Variants in TGM3 observed in about 807,000 individuals in gnomAD.
TGM3 encodes the protein transglutaminase 3, also known as protein-glutamine gamma-glutamyltransferase E.
Under a neutral mutation model 73.8 loss-of-function variants are expected in TGM3, and 52 were observed. That is an observed-to-expected ratio of 0.70 (90% CI 0.56 to 0.89). The LOEUF (loss-of-function observed/expected upper bound fraction) is 0.89, where lower values mean the gene tolerates loss of function less well. Ranked by LOEUF, TGM3 falls within the 40% of genes least tolerant of loss-of-function variation. TGM3 has a pLI of 0.00. For missense variants in TGM3, 928 were observed against 909.9 expected, an observed-to-expected ratio of 1.02 and a Z score of -0.26; for synonymous variants, 372 against 354.9, an observed-to-expected ratio of 1.05 and a Z score of -0.54.
At chr20:2,306,510 T>C (rs2084177557) in intron 1 of TGM3, among the ~76,000 whole-genome samples, 1 of 147,604 alleles carries the variant, frequency 6.8e-6, no homozygotes, top group Non-Finnish European at 1.5e-5. Flanking sequence ...GGAATCTCGC[T>C]CTGTTACCCA....
chr20:2,319,600 T>C lies in TGM3; in HGVS notation c.983+2115T>C, dbSNP rs542252981. ...CACCTTTGGGACAAGTAGGAGCTGA[T>C]GGAGACATTCCAGGGTGGCTCTGTG... On this transcript the variant is annotated intron_variant, in intron 7 of 12. Transcript: ENST00000381458. Among the ~76,000 whole-genome samples, 8 of 152,342 alleles carry C rather than the reference T, an allele frequency of 5.3e-5. No homozygotes were observed. The East Asian group carries it at 1.5e-3, about 29-fold the overall frequency.
At position 2,328,411 on chromosome 20, in the gene TGM3, G is replaced by T. The variant is rs2084302531; in HGVS notation, c.1333+46G>T. On this transcript the variant is annotated intron_variant, in intron 9 of 12. Transcript: ENST00000381458. The surrounding 1 kb of genome is among the most constrained non-coding windows in gnomAD (Gnocchi z 5.2). ...GCAGTGCCGCGAGAGGTTCTATTGT[G>T]GGAGGATGGCTCTGAGGCTGGAGAG... The T allele has an allele frequency of 1.2e-6, 2 of 1,607,600 alleles. No homozygotes were observed. The highest frequency in any genetic ancestry group is 2.2e-5 in the East Asian group (1 of 44,774).
At chr20:2,340,243 C>G (rs146408106) in intron 12 of TGM3, among the ~76,000 whole-genome samples, 191 bp from the exon 13 acceptor site, 14 of 152,310 alleles carry the variant, frequency 9.2e-5, no homozygotes, top group East Asian at 3.9e-4. Context: ...GGGACCCCCC[C>G]CTCCTGCTTC....
intron 7 of TGM3, among the ~76,000 whole-genome samples, chr20:2,319,526 C>A (rs2084252295): frequency 1.3e-5 from 2 of 152,174 alleles, no homozygotes; most frequent in South Asian, 2.1e-4. Flanking sequence ...AATTAGAACC[C>A]AGGTCTCCTG....
At chr20:2,327,894 C>T (rs370252575) in intron 8 of TGM3, among the ~76,000 whole-genome samples, 10 of 152,238 alleles carry the variant, frequency 6.6e-5, no homozygotes, top group East Asian at 1.9e-4. Flanking sequence ...GCCCGGAATG[C>T]GGAATTGTGT....
chr20:2,319,580 T>C (rs1173222137), intron 7 of TGM3, among the ~76,000 whole-genome samples: 1 of 152,190 alleles, frequency 6.6e-6, no homozygotes, highest in Non-Finnish European at 1.5e-5. Context: ...AACATCACCT[T>C]TGGGACAAGT....
intron 7 of TGM3, among the ~76,000 whole-genome samples, chr20:2,317,933 A>G (rs1365723335): frequency 7.1e-6 from 1 of 140,974 alleles, no homozygotes; most frequent in African/African-American, 2.8e-5. Flanking sequence ...ATATATATAT[A>G]TATATATATC....
intron 5 of TGM3, among the ~76,000 whole-genome samples, chr20:2,313,773 C>T (rs756079016): frequency 1.2e-4 from 19 of 152,168 alleles, no homozygotes; most frequent in Admixed American, 4.6e-4. Flanking sequence ...TCACGCCTCT[C>T]ATCCCAGTGC....
chr20:2,311,490 C>T (rs539408645), intron 4 of TGM3, among the ~76,000 whole-genome samples: 4 of 152,266 alleles, frequency 2.6e-5, no homozygotes, highest in African/African-American at 9.6e-5. Context: ...TTTTTCATTC[C>T]ATGTAACAAT....
At chr20:2,313,660 C>T (rs552584384) in intron 5 of TGM3, among the ~76,000 whole-genome samples, 1 of 151,906 alleles carries the variant, frequency 6.6e-6, no homozygotes, top group Admixed American at 6.6e-5. Context: ...CACTCTCTCT[C>T]TCTCTCAGAC....
intron 5 of TGM3, among the ~76,000 whole-genome samples, chr20:2,314,479 C>T (rs943603306): frequency 6.6e-6 from 1 of 151,798 alleles, no homozygotes; most frequent in East Asian, 1.9e-4. Flanking sequence ...ATCACTTGAG[C>T]CCAGGAGTGT....
chr20:2,306,382 A>G (rs976648156), intron 1 of TGM3, among the ~76,000 whole-genome samples: 1 of 151,948 alleles, frequency 6.6e-6, no homozygotes. Flanking sequence ...CTCTGAAACC[A>G]CATGTTCCAT....
intron 1 of TGM3, among the ~76,000 whole-genome samples, chr20:2,306,894 C>T (rs555034157): frequency 5.3e-4 from 80 of 152,274 alleles, no homozygotes; most frequent in African/African-American, 1.9e-3. Context: ...GGCCATTTCC[C>T]TAGAGAGATC....
intron 1 of TGM3, among the ~76,000 whole-genome samples, chr20:2,306,173 G>A (rs909920089): frequency 6.6e-6 from 1 of 152,318 alleles, no homozygotes; most frequent in Admixed American, 6.5e-5. Context: ...GTGTGGGCCT[G>A]TTGGGAGAGG....
chr20:2,340,566 C>T lies in TGM3; in HGVS notation c.2067C>T (p.Ile689=), dbSNP rs757511207. The T allele has an allele frequency of 9.3e-6, 15 of 1,614,148 alleles. No individual in the cohort carries two copies. Among genetic ancestry groups the T allele is most frequent in the South Asian group, 7.7e-5 (7 of 91,084 alleles). The change falls in exon 13 of 13, where the codon ATC becomes ATT. Residue 689 remains isoleucine (I), a synonymous_variant. Coordinates refer to ENST00000381458, the MANE Select transcript of TGM3 (RefSeq NM_003245.4). ...CTGCAATCAAGGCCATGTTGTCCAT[C>T]GATGTAGCCGAATGAAGGGCGCTGG... ...KFPAIKAMLS[I]DVAE
At chr20:2,317,943 C>CATATATATATATATATCAT (rs2084244196) in intron 7 of TGM3, among the ~76,000 whole-genome samples, 2 of 36,192 alleles carry the variant, frequency 5.5e-5, no homozygotes, top group Non-Finnish European at 2.0e-4. Flanking sequence ...ATATATATAT[C>CATATATATATATATATCAT]ATATATATAT....
Position 2,334,790 on chromosome 20 carries a change from A to T in TGM3, c.1643-326A>T, listed in dbSNP as rs1017345760. On this transcript the variant is annotated intron_variant, in intron 10 of 12. Coordinates refer to ENST00000381458, the MANE Select transcript of TGM3 (RefSeq NM_003245.4). This position sits in a 1 kb window ranked among gnomAD's most constrained non-coding sequence, Gnocchi z 4.0. ...GAGACCCCATCTCTACAAATAATTT[A>T]AAAAATTTTAAAAAAAAAGGACACT... Among the ~76,000 whole-genome samples, 18 of 152,282 alleles carry T rather than the reference A, an allele frequency of 1.2e-4. No individual in the cohort carries two copies. The highest frequency in any genetic ancestry group is 2.2e-4 in the African/African-American group (9 of 41,558).
rs369770171 is a variant in TGM3 at position 2,340,601 on chromosome 20, G to C, written c.*20G>C. 9.9e-6 allele frequency: 16 copies of C among 1,613,832 alleles called. No homozygotes were observed. The highest frequency in any genetic ancestry group is 1.1e-5 in the Non-Finnish European group (13 of 1,179,898). On this transcript the variant is annotated 3_prime_UTR_variant, in exon 13 of 13. Transcript: ENST00000381458. ...GAATGAAGGGCGCTGGTGGCCTCCCGTACAAACTTGGACAACACGGAGCAG... is the reference window on the plus strand; with the variant it reads ...GAATGAAGGGCGCTGGTGGCCTCCCCTACAAACTTGGACAACACGGAGCAG...
chr20:2,315,476 C>T (rs1221911756), intron 5 of TGM3, among the ~76,000 whole-genome samples: 4 of 152,206 alleles, frequency 2.6e-5, no homozygotes, highest in Admixed American at 6.5e-5. Context: ...GGAAGGGGTG[C>T]AGAACTCACT....
Sources: allele counts gnomAD v4.1 joint callset (sites outside exome capture counted in the v4.1 genomes callset), GRCh38; gene constraint gnomAD v4.1.1; non-coding constraint Gnocchi (gnomAD v3.1); transcripts MANE v1.5; gene names NCBI Gene and HGNC (gene_info 2026-07-23, HGNC 2026-07-21).